PER3: variants seen among roughly 807,000 people sequenced by gnomAD.
PER3 encodes the protein period circadian regulator 3, also known as period circadian protein homolog 3.
A neutral mutation model predicts 127.2 loss-of-function variants in PER3; 107 were observed. That is an observed-to-expected ratio of 0.84 (90% confidence interval 0.72 to 0.99). The LOEUF is 0.99. Ranked by LOEUF, PER3 falls within the 50% of genes least tolerant of loss-of-function variation. The probability of loss-of-function intolerance (pLI) is 0.00; values close to 1 mark genes in which losing one functional copy is unlikely to be tolerated. For synonymous variants in PER3, 618 were observed against 585.8 expected, an observed-to-expected ratio of 1.05 and a Z score of -0.79; for missense variants, 1,560 against 1,525.8, an observed-to-expected ratio of 1.02 and a Z score of -0.37.
intron 13 of PER3, among the ~76,000 whole-genome samples, chr1:7,815,295 G>A (rs750886520): frequency 3.3e-5 from 5 of 152,118 alleles, no homozygotes; most frequent in African/African-American, 9.7e-5. Flanking sequence ...GACTGAAATC[G>A]TCAAATTGGA....
intron 13 of PER3, among the ~76,000 whole-genome samples, chr1:7,816,895 C>T (rs987872356): frequency 7.9e-5 from 12 of 152,192 alleles, no homozygotes; most frequent in Admixed American, 6.5e-5. Context: ...TGTTACTCTC[C>T]AAACACAGAA....
At chr1:7,801,824 AT>A (rs1175683389) in intron 8 of PER3, among the ~76,000 whole-genome samples, 1 of 152,098 alleles carries the variant, frequency 6.6e-6, no homozygotes, top group African/African-American at 2.4e-5. Context: ...AGTATCCCGC[AT>A]TTTTTCCCCA....
chr1:7,797,803 C>T (rs1376800912), intron 6 of PER3, among the ~76,000 whole-genome samples: 2 of 152,050 alleles, frequency 1.3e-5, no homozygotes, highest in Non-Finnish European at 2.9e-5. Context: ...CAGTCTTGGG[C>T]TTTTTGACTT....
intron 16 of PER3, among the ~76,000 whole-genome samples, chr1:7,824,136 G>C (rs1252782300): frequency 2.0e-5 from 3 of 152,176 alleles, no homozygotes; most frequent in Admixed American, 6.5e-5. Context: ...AACGGGGCTT[G>C]TAAGAAGATA....
chr1:7,842,460 A>G (rs1485383032), intron 21 of PER3, among the ~76,000 whole-genome samples: 1 of 151,974 alleles, frequency 6.6e-6, no homozygotes, highest in Non-Finnish European at 1.5e-5. Context: ...AGATCGCACC[A>G]CTGCATTCCA....
chr1:7,793,620 AC>A (rs2097131623), intron 5 of PER3, among the ~76,000 whole-genome samples: 1 of 152,252 alleles, frequency 6.6e-6, no homozygotes, highest in South Asian at 2.1e-4. Flanking sequence ...ATGGAATATT[AC>A]CACCAGAATA....
At chr1:7,832,713 A>T (rs2097338314) in intron 19 of PER3, among the ~76,000 whole-genome samples, 1 of 24,432 alleles carries the variant, frequency 4.1e-5, no homozygotes, top group Admixed American at 1.8e-4. Flanking sequence ...TTTACTTTGG[A>T]TTTTATTTTT....
At chr1:7,807,277 G>GAT (rs1319601774) in intron 10 of PER3, among the ~76,000 whole-genome samples, 1 of 152,210 alleles carries the variant, frequency 6.6e-6, no homozygotes, top group Non-Finnish European at 1.5e-5. Flanking sequence ...ACGCCATGCA[G>GAT]ATAGATATTG....
chr1:7,825,945 C>T (rs1455704008), intron 16 of PER3, among the ~76,000 whole-genome samples: 10 of 151,318 alleles, frequency 6.6e-5, no homozygotes, highest in African/African-American at 1.9e-4. Flanking sequence ...GTGTGGCACA[C>T]GCTTATAGTC....
intron 6 of PER3, among the ~76,000 whole-genome samples, chr1:7,797,918 A>G (rs2097153246): frequency 6.6e-6 from 1 of 152,110 alleles, no homozygotes; most frequent in African/African-American, 2.4e-5. Flanking sequence ...CCCTGCCGAG[A>G]GGTTCTTTGT....
chr1:7,802,975 C>A, intron 8 of PER3, 72 bp from the exon 9 acceptor site: 1 of 845,626 alleles, frequency 1.2e-6, no homozygotes, highest in Non-Finnish European at 2.1e-6. Context: ...GAATGAAATA[C>A]AGAAGTATTT....
chr1:7,788,101 A>G lies in PER3; in HGVS notation c.447A>G (p.Glu149=), dbSNP rs1477901870. Residue 149 remains glutamate, a synonymous_variant, in exon 5 of 22, where the codon GAA becomes GAG. Coordinates refer to ENST00000377532, the MANE Select transcript of PER3 (RefSeq NM_001377275.1). ...FLSGRLVHIS[E]QAALILNRKK... ...CTGGAAGGTTAGTGCACATTTCTGAACAGGCTGCTTTGATCCTGAATCGTA... is the reference window on the plus strand; with the variant it reads ...CTGGAAGGTTAGTGCACATTTCTGAGCAGGCTGCTTTGATCCTGAATCGTA... 1.9e-6 allele frequency: 3 copies of G among 1,613,938 alleles called. No individual in the cohort carries two copies.
intron 5 of PER3, among the ~76,000 whole-genome samples, chr1:7,793,031 C>T (rs2097129023): frequency 6.6e-6 from 1 of 152,184 alleles, no homozygotes. Flanking sequence ...CTTTCTGACT[C>T]TTCTGTGATC....
In PER3 at chr1:7,837,110, G is replaced by A. The variant is rs1377318302; in HGVS notation, c.3510G>A (p.Trp1170Ter). The change falls in exon 21 of 22, where the codon TGG becomes TGA. Residue 1170 changes from tryptophan to a stop codon, truncating the protein, a stop_gained. Transcript: ENST00000377532. LOFTEE classifies it low-confidence loss of function (END_TRUNC). ...QKEELAKVYN[W>*]IQSQTVTQEI... is the part of the protein sequence containing the mutation. ...AGGAGCTGGCTAAGGTGTATAATTG[G>A]ATTCAAAGCCAGACTGTCACTCAAG... 1 of 1,613,794 alleles carries A rather than the reference G, an allele frequency of 6.2e-7. No individual in the cohort carries two copies. The highest frequency in any genetic ancestry group is 8.5e-7 in the Non-Finnish European group (1 of 1,179,922).
chr1:7,815,986 C>A (rs7536738), intron 13 of PER3, among the ~76,000 whole-genome samples: 1 of 87,468 alleles, frequency 1.1e-5, no homozygotes. Flanking sequence ...GAGCGGACTC[C>A]GTCTCAAAAA....
chr1:7,796,303 C>T (rs551899719), intron 6 of PER3, among the ~76,000 whole-genome samples: 72 of 136,854 alleles, frequency 5.3e-4, no homozygotes, highest in African/African-American at 1.7e-3. Flanking sequence ...AGGTAGGAAA[C>T]GTTCATTTCA....
rs1188694528 is a variant in PER3, at chr1:7,827,185, G to T, written c.2256G>T (p.Leu752=). 3 of 1,613,046 alleles carry T rather than the reference G, an allele frequency of 1.9e-6. No individual in the cohort carries two copies. Among genetic ancestry groups the T allele is most frequent in the South Asian group, 2.2e-5 (2 of 90,946 alleles). The change falls in exon 18 of 22, where the codon CTG becomes CTT. Residue 752 remains leucine, a synonymous_variant. Transcript: ENST00000377532. Reference sequence around the variant, plus strand: ...AAGGGAAGCACAAGCGGAAGAAGCTGCCGGAGCCGCCAGACAGCAGCAGCT... The same window carrying T: ...AAGGGAAGCACAAGCGGAAGAAGCTTCCGGAGCCGCCAGACAGCAGCAGCT... ...CRKGKHKRKK[L]PEPPDSSSSN...
rs1284336772 is a variant in PER3, at chr1:7,784,660, G to A, written c.-218G>A. 4 of 462,098 alleles carry A rather than the reference G, an allele frequency of 8.7e-6. No individual in the cohort carries two copies. Among genetic ancestry groups the A allele is most frequent in the Non-Finnish European group, 1.5e-5 (4 of 266,598 alleles). 28.6% of individuals were successfully genotyped at this position (462,098 alleles called of 1,614,324 possible). On this transcript the variant is annotated 5_prime_UTR_variant, in exon 2 of 22. Transcript: ENST00000377532. The stretch of plus-strand genomic sequence containing the variant: ...CCTTGTCTCCTCCCCCTAGGCCGGA[G>A]TCCTGAAAGTCGAGCGAGCTCCGGG...
intron 3 of PER3, 130 bp downstream of exon 3, chr1:7,785,716 GCAA>G: frequency 1.4e-6 from 1 of 690,612 alleles, no homozygotes; most frequent in South Asian, 2.0e-5. Flanking sequence ...TGGAAGATGA[GCAA>G]ATCTACACCG....
Sources: gnomAD v4.1 joint callset for allele counts (sites outside exome capture counted in the v4.1 genomes callset) on GRCh38, gnomAD v4.1.1 for gene constraint, MANE v1.5 for transcripts, NCBI Gene and HGNC (gene_info 2026-07-23, HGNC 2026-07-21) for gene names.